Variants in ATP5PB observed in about 807,000 individuals in gnomAD.
ATP5PB encodes the protein ATP synthase peripheral stalk subunit b, mitochondrial.
In ATP5PB, 21 loss-of-function variants were observed where a neutral mutation model predicts 34.5. That is an observed-to-expected ratio of 0.61 (90% CI 0.43 to 0.88). The LOEUF (loss-of-function observed/expected upper bound fraction) is 0.88, where lower values mean the gene tolerates loss of function less well. Ranked by LOEUF, ATP5PB falls within the 40% of genes least tolerant of loss-of-function variation. The probability of loss-of-function intolerance (pLI) is 0.00; values close to 1 mark genes in which losing one functional copy is unlikely to be tolerated. For synonymous variants in ATP5PB, 108 were observed against 114.1 expected, an observed-to-expected ratio of 0.95 and a Z score of 0.34; for missense variants, 293 against 317.4, an observed-to-expected ratio of 0.92 and a Z score of 0.58.
At chr1:111,459,430 A>T in intron 5 of ATP5PB, 27 bp from the exon 6 acceptor site, 1 of 1,586,468 alleles carries the variant, frequency 6.3e-7, no homozygotes, top group East Asian at 2.3e-5. Context: ...TACAAACAAT[A>T]TTTATCATTT....
At chr1:111,460,886 G>T (rs546497774) in intron 6 of ATP5PB, 31 bp from the exon 7 acceptor site, 3 of 1,603,704 alleles carry the variant, frequency 1.9e-6, no homozygotes, top group Non-Finnish European at 2.6e-6. Flanking sequence ...TTTTGGAAAG[G>T]TCTAACCAGA....
intron 5 of ATP5PB, 29 bp downstream of exon 5, chr1:111,456,784 G>T: frequency 6.3e-7 from 1 of 1,576,490 alleles, no homozygotes; most frequent in South Asian, 1.2e-5. Context: ...TAGGAAGAAT[G>T]AAGTTACTTG....
rs773084651 is a variant in ATP5PB, at chr1:111,449,837, C to T, written c.41C>T (p.Ala14Val). Reference sequence around the variant, plus strand: ...TGACCTTCGCCTTGTCTATCTGCAGCCCCCTCTCTGAAGAATGCAGCCTTC... The same window carrying T: ...TGACCTTCGCCTTGTCTATCTGCAGTCCCCTCTCTGAAGAATGCAGCCTTC... ...RVVLSAAATA[A>V]PSLKNAAFLG... The change falls in exon 2 of 7, where the codon GCC (alanine) becomes GTC (valine). Residue 14 changes from alanine to valine, a missense_variant and splice_region_variant. By Grantham distance (64) the Ala-to-Val change is moderately conservative. Coordinates refer to ENST00000369722, the MANE Select transcript of ATP5PB (RefSeq NM_001688.5). 1.2e-6 allele frequency: 2 copies of T among 1,614,154 alleles called. No individual in the cohort carries two copies. Among genetic ancestry groups the T allele is most frequent in the South Asian group, 2.2e-5 (2 of 91,082 alleles).
At position 111,449,839 on chromosome 1, in the gene ATP5PB, C is replaced by T. The variant is rs1265338078; in HGVS notation, c.43C>T (p.Pro15Ser). Residue 15 changes from proline to serine, a missense_variant and splice_region_variant, in exon 2 of 7, where the codon CCC (proline) becomes TCC (serine). By Grantham distance (74) the Pro-to-Ser change is moderately conservative. Coordinates refer to ENST00000369722, the MANE Select transcript of ATP5PB (RefSeq NM_001688.5). ...VVLSAAATAA[P>S]SLKNAAFLGP... ...ACCTTCGCCTTGTCTATCTGCAGCC[C>T]CCTCTCTGAAGAATGCAGCCTTCCT... 1.2e-6 allele frequency: 2 copies of T among 1,614,126 alleles called. No homozygotes were observed. The highest frequency in any genetic ancestry group is 1.7e-6 in the Non-Finnish European group (2 of 1,180,010).
chr1:111,460,298 GAATT>G (rs1653581674), intron 6 of ATP5PB, among the ~76,000 whole-genome samples: 1 of 151,512 alleles, frequency 6.6e-6, no homozygotes, highest in Non-Finnish European at 1.5e-5. Context: ...TGCTTAAACT[GAATT>G]AATTTTTTTT....
At position 111,451,377 on chromosome 1, in the gene ATP5PB, A is replaced by G. The variant is rs1055013746; in HGVS notation, c.77+1504A>G. On this transcript the variant is annotated intron_variant, in intron 2 of 6. Transcript: ENST00000369722. ...ATGTCATCTGACTCCCTACCAAAAA[A>G]CTCTTCCCCATTTTGTTGCTCCCTA... Among the ~76,000 whole-genome samples, 8 of 151,404 alleles carry G rather than the reference A, an allele frequency of 5.3e-5. No homozygotes were observed. In the South Asian group the frequency reaches 1.7e-3, roughly 32 times the overall value.
In ATP5PB at chr1:111,454,438, TTTG is replaced by T. The variant is rs571310902; in HGVS notation, c.223+112_223+114del. Reference sequence around the variant, plus strand: ...GTTAGGTGGGTTTTCTTCTTTGGTTTTTGTTGTTGTTGTTGTTGTTGTTGTTGT... The same window carrying T: ...GTTAGGTGGGTTTTCTTCTTTGGTTTTTGTTGTTGTTGTTGTTGTTGTTGT... On this transcript the variant is annotated intron_variant, in intron 3 of 6. Coordinates refer to ENST00000369722, the MANE Select transcript of ATP5PB (RefSeq NM_001688.5). The T allele has an allele frequency of 6.8e-3, 9,804 of 1,431,346 alleles. 121 individuals are homozygous for T. The highest frequency in any genetic ancestry group is 0.061 in the Admixed American group (2,611 of 42,478). 88.7% of individuals were successfully genotyped at this position (1,431,346 alleles called of 1,614,324 possible).
At chr1:111,449,652 G>A in intron 1 of ATP5PB, 71 bp downstream of exon 1, 1 of 1,558,706 alleles carries the variant, frequency 6.4e-7, no homozygotes, top group African/African-American at 1.4e-5. Flanking sequence ...GTGACAGGGA[G>A]GGGAGAAGGG....
In ATP5PB at chr1:111,461,618, G is replaced by A. The variant is rs1174330654; in HGVS notation, c.*624G>A. 2.0e-5 allele frequency: 3 copies of A among 152,228 alleles called. No individual in the cohort carries two copies. Among genetic ancestry groups the A allele is most frequent in the South Asian group, 4.1e-4 (2 of 4,834 alleles). The allele number at this position is 152,228 out of a possible 1,614,324, so 9.4% of individuals were successfully genotyped here. On this transcript the variant is annotated 3_prime_UTR_variant, in exon 7 of 7. Coordinates refer to ENST00000369722, the MANE Select transcript of ATP5PB (RefSeq NM_001688.5). ...ATCACTCTTAAGAATCCATGCAGCA[G>A]GCCAGGCACAGTGGCTCACACCTGT...
In ATP5PB at chr1:111,449,533, T is replaced by C; in HGVS notation, c.-9T>C. On this transcript the variant is annotated 5_prime_UTR_variant, in exon 1 of 7. Transcript: ENST00000369722. ...GACGCTAAGATTGCTACCTGGACTT[T>C]CGTTGACCATGCTGTCCCGGGTGGT... The C allele has an allele frequency of 1.2e-6, 2 of 1,613,982 alleles. No homozygotes were observed. The highest frequency in any genetic ancestry group is 1.7e-6 in the Non-Finnish European group (2 of 1,179,918).
Position 111,459,565 on chromosome 1 carries a change from C to G in ATP5PB, c.622C>G (p.Arg208Gly), listed in dbSNP as rs151251385. The change falls in exon 6 of 7, where the codon CGT (arginine) becomes GGT (glycine). Residue 208 changes from arginine (R) to glycine (G), a missense_variant. Physicochemically the swap from Arg to Gly is moderately radical, Grantham distance 125. Coordinates refer to ENST00000369722, the MANE Select transcript of ATP5PB (RefSeq NM_001688.5). ...TCATATATCTGTGCAGAACATGATG[C>G]GTCGAAAGGAACAAGAACACATGAT... ...DYHISVQNMM[R>G]RKEQEHMINW... The G allele has an allele frequency of 2.6e-4, 420 of 1,613,734 alleles. No individual in the cohort carries two copies. The highest frequency in any genetic ancestry group is 3.3e-4 in the Non-Finnish European group (395 of 1,179,850).
chr1:111,449,576 C>G lies in ATP5PB; in HGVS notation c.35C>G (p.Thr12Arg). 1 of 1,608,570 alleles carries G rather than the reference C, an allele frequency of 6.2e-7. No homozygotes were observed. Among genetic ancestry groups the G allele is most frequent in the Admixed American group, 1.7e-5 (1 of 59,522 alleles). ...LSRVVLSAAA[T>R]AAPSLKNAAF... ...CGGGTGGTACTTTCCGCCGCCGCCA[C>G]AGCGGGTAAGGGGTATAGACCCTGC... The change falls in exon 1 of 7, where the codon ACA (threonine) becomes AGA (arginine). Residue 12 changes from threonine (T) to arginine (R), a missense_variant. Physicochemically the swap from Thr to Arg is moderately conservative, Grantham distance 71. Coordinates refer to ENST00000369722, the MANE Select transcript of ATP5PB (RefSeq NM_001688.5).
chr1:111,453,422 T>G (rs1223025736), intron 2 of ATP5PB, among the ~76,000 whole-genome samples: 1 of 147,860 alleles, frequency 6.8e-6, no homozygotes, highest in African/African-American at 2.5e-5. Context: ...AAAAAAAAGA[T>G]AAAACCAGAG....
intron 3 of ATP5PB, among the ~76,000 whole-genome samples, chr1:111,454,771 T>C (rs948974946): frequency 2.6e-5 from 4 of 152,168 alleles, no homozygotes; most frequent in Admixed American, 1.3e-4. Flanking sequence ...AAAAGGAAAT[T>C]GTAACAATTG....
Position 111,449,908 on chromosome 1 carries a change from T to G in ATP5PB, c.77+35T>G, listed in dbSNP as rs774801705. 1.9e-6 allele frequency: 3 copies of G among 1,613,418 alleles called. No individual in the cohort carries two copies. The South Asian group carries it at 3.3e-5, about 18-fold the overall frequency. On this transcript the variant is annotated intron_variant, in intron 2 of 6. Coordinates refer to ENST00000369722, the MANE Select transcript of ATP5PB (RefSeq NM_001688.5). ...AGGATAATGCTCCCTTTCGTCTTTG[T>G]TTTCACTACCTTTTATTTCCCGATT...
chr1:111,458,793 C>G (rs866294479), intron 5 of ATP5PB, among the ~76,000 whole-genome samples: 1 of 152,138 alleles, frequency 6.6e-6, no homozygotes, highest in Non-Finnish European at 1.5e-5. Flanking sequence ...AGCCTTACTG[C>G]CTGTATGCTG....
Position 111,461,533 on chromosome 1 carries a change from T to C in ATP5PB, c.*539T>C, listed in dbSNP as rs1236208486. 1.3e-5 allele frequency: 2 copies of C among 152,456 alleles called. No homozygotes were observed. The allele number at this position is 152,456 out of a possible 1,614,324, so 9.4% of individuals were successfully genotyped here. A position where few individuals can be genotyped will look rare whatever the true frequency, so the allele number is the denominator to read the frequency against. On this transcript the variant is annotated 3_prime_UTR_variant, in exon 7 of 7. Coordinates refer to ENST00000369722, the MANE Select transcript of ATP5PB (RefSeq NM_001688.5). ...AGTATTATATATCAATTCATATCAT[T>C]GACTTTATTATTTTAGTAGTATGCC...
intron 1 of ATP5PB, 94 bp downstream of exon 1, chr1:111,449,675 G>A: frequency 1.3e-6 from 2 of 1,545,632 alleles, no homozygotes; most frequent in South Asian, 2.4e-5. Context: ...CAGCGACACG[G>A]GCCTGAGAGG....
Position 111,454,155 on chromosome 1 carries a change from A to G in ATP5PB, c.78-56A>G, listed in dbSNP as rs1282228008. On this transcript the variant is annotated intron_variant, in intron 2 of 6. Transcript: ENST00000369722. Reference sequence around the variant, plus strand: ...TTTATTGTTTCTGCTCATTATTCATACACTGTATTCTCCTTAAAGAAACAG... The same window carrying G: ...TTTATTGTTTCTGCTCATTATTCATGCACTGTATTCTCCTTAAAGAAACAG... The G allele has an allele frequency of 1.3e-5, 19 of 1,461,538 alleles. No homozygotes were observed. In the African/African-American group the frequency reaches 2.3e-4, roughly 18 times the overall value. 90.5% of individuals were successfully genotyped at this position (1,461,538 alleles called of 1,614,324 possible). A position where few individuals can be genotyped will look rare whatever the true frequency, so the allele number is the denominator to read the frequency against.
Sources: gnomAD v4.1 joint callset for allele counts (sites outside exome capture counted in the v4.1 genomes callset) on GRCh38, gnomAD v4.1.1 for gene constraint, MANE v1.5 for transcripts, NCBI Gene and HGNC (gene_info 2026-07-23, HGNC 2026-07-21) for gene names.